ATP2C1: variants seen among roughly 807,000 people sequenced by gnomAD.
ATP2C1 encodes calcium-transporting ATPase type 2C member 1.
In ATP2C1, 31 loss-of-function variants were observed where a neutral mutation model predicts 120.5. The observed-to-expected ratio is 0.26, with a 90% CI of 0.19 to 0.35. ATP2C1 has a LOEUF of 0.35. Ranked by LOEUF, ATP2C1 falls within the 10% of genes least tolerant of loss-of-function variation. The probability of loss-of-function intolerance (pLI) is 1.00; values close to 1 mark genes in which losing one functional copy is unlikely to be tolerated. For synonymous variants in ATP2C1, 351 were observed against 358.7 expected, an observed-to-expected ratio of 0.98 and a Z score of 0.24; for missense variants, 731 against 1,107.5, an observed-to-expected ratio of 0.66 and a Z score of 4.83.
chr3:131,008,904 A>G (rs1387401686), intron 26 of ATP2C1, among the ~76,000 whole-genome samples: 1 of 152,174 alleles, frequency 6.6e-6, no homozygotes, highest in African/African-American at 2.4e-5. Flanking sequence ...AACATCATCA[A>G]CCAGGAGGAC....
chr3:131,001,093 A>C, intron 27 of ATP2C1, 127 bp from the exon 28 acceptor site: 8 of 690,984 alleles, frequency 1.2e-5, no homozygotes, highest in Non-Finnish European at 1.5e-5. Context: ...ACAGAGCAAG[A>C]CTTCATCTCA....
At chr3:130,918,973 C>T (rs2058814963) in intron 2 of ATP2C1, 1 of 386,574 alleles carries the variant, frequency 2.6e-6, no homozygotes, top group Non-Finnish European at 5.0e-6. Flanking sequence ...GCCTGGGCAA[C>T]AGAGCAAGAC....
intron 1 of ATP2C1, among the ~76,000 whole-genome samples, chr3:130,872,487 T>G (rs898492684): frequency 4.6e-5 from 7 of 152,170 alleles, no homozygotes; most frequent in Non-Finnish European, 8.8e-5. Context: ...CTATCTGTGA[T>G]TATTATTCAT....
intron 14 of ATP2C1, 84 bp downstream of exon 14, chr3:130,965,129 C>G: frequency 3.3e-6 from 3 of 920,030 alleles, no homozygotes; most frequent in Admixed American, 3.6e-5. Context: ...GTTCCAGTGT[C>G]TTACCTTCAA....
At chr3:130,969,720 T>G (rs1326393649) in intron 17 of ATP2C1, among the ~76,000 whole-genome samples, 1 of 152,226 alleles carries the variant, frequency 6.6e-6, no homozygotes, top group East Asian at 1.9e-4. Context: ...CAGTTCCTTA[T>G]AAGGTCTTTG....
intron 1 of ATP2C1, among the ~76,000 whole-genome samples, chr3:130,863,404 A>T (rs1045264872): frequency 6.6e-6 from 1 of 152,130 alleles, no homozygotes; most frequent in Admixed American, 6.5e-5. Context: ...TATTAAACAC[A>T]CCATTTACTA....
Position 131,002,582 on chromosome 3 carries a change from G to C in ATP2C1, c.*1232G>C, listed in dbSNP as rs919273230. On this transcript the variant is annotated 3_prime_UTR_variant, in exon 28 of 28. Transcript: ENST00000510168. ...TTTTATGAAAGCTTGATGAGGTATAGGTCATTTGTTTTGAGTATGTGGGCC... is the reference window on the plus strand; with the variant it reads ...TTTTATGAAAGCTTGATGAGGTATACGTCATTTGTTTTGAGTATGTGGGCC... 2 of 985,286 alleles carry C rather than the reference G, an allele frequency of 2.0e-6. No individual in the cohort carries two copies. Among genetic ancestry groups the C allele is most frequent in the Non-Finnish European group, 2.4e-6 (2 of 829,924 alleles). The allele number at this position is 985,286 out of a possible 1,614,324, so 61.0% of individuals were successfully genotyped here.
chr3:130,873,851 C>G (rs967173572), intron 1 of ATP2C1, among the ~76,000 whole-genome samples: 2 of 152,128 alleles, frequency 1.3e-5, no homozygotes, highest in African/African-American at 4.8e-5. Flanking sequence ...GTGGCTCACC[C>G]CTGTAATCCC....
chr3:131,016,301 A>T, exon 27 of ATP2C1: 5 of 1,614,166 alleles, frequency 3.1e-6, no homozygotes, highest in Non-Finnish European at 4.2e-6. Flanking sequence ...AACTCTGCAT[A>T]CAACATCTTA....
chr3:130,913,431 A>G (rs916011194), intron 2 of ATP2C1, among the ~76,000 whole-genome samples: 8 of 152,186 alleles, frequency 5.3e-5, no homozygotes, highest in Non-Finnish European at 4.4e-5. Flanking sequence ...CTGAGTTATT[A>G]ATACTACTGG....
chr3:130,860,992 T>C (rs562072872), intron 1 of ATP2C1, among the ~76,000 whole-genome samples: 1 of 152,322 alleles, frequency 6.6e-6, no homozygotes, highest in South Asian at 2.1e-4. Context: ...TTTCTCGACA[T>C]GGTGCGGTGG....
intron 2 of ATP2C1, chr3:130,914,385 A>C (rs964351622): frequency 3.3e-5 from 5 of 152,066 alleles, no homozygotes; most frequent in African/African-American, 1.2e-4. Context: ...GAAAGAGTAG[A>C]AAGGTGTTGG....
intron 1 of ATP2C1, among the ~76,000 whole-genome samples, chr3:130,851,560 A>G (rs113446696): frequency 2.4e-3 from 370 of 152,332 alleles, no homozygotes; most frequent in African/African-American, 8.6e-3. Context: ...GTCTGATCAC[A>G]TCTCATTTAA....
At chr3:130,940,905 A>ATTATT (rs2059863793) in intron 7 of ATP2C1, among the ~76,000 whole-genome samples, 3 of 86,072 alleles carry the variant, frequency 3.5e-5, no homozygotes, top group Non-Finnish European at 6.7e-5. Context: ...TATTTAACAG[A>ATTATT]TTTTTTTTTT....
downstream of ATP2C1, among the ~76,000 whole-genome samples, chr3:131,004,945 T>C (rs1456055878): frequency 6.6e-6 from 1 of 152,076 alleles, no homozygotes; most frequent in Non-Finnish European, 1.5e-5. Context: ...GAGTTTGATG[T>C]GAGTTTGGAT....
intron 12 of ATP2C1, chr3:130,963,549 A>G (rs1449656594): frequency 9.8e-6 from 2 of 203,138 alleles, no homozygotes; most frequent in Non-Finnish European, 2.0e-5. Context: ...TACATTTATC[A>G]GTTGATGAAT....
chr3:130,876,857 T>C (rs948289913), intron 1 of ATP2C1, among the ~76,000 whole-genome samples: 2 of 151,958 alleles, frequency 1.3e-5, no homozygotes, highest in African/African-American at 4.8e-5. Flanking sequence ...TTACTAGGGG[T>C]TTTTTGTAGC....
At chr3:130,932,196 T>A in intron 4 of ATP2C1, 58 bp downstream of exon 4, 2 of 1,034,466 alleles carry the variant, frequency 1.9e-6, no homozygotes, top group South Asian at 2.5e-5. Context: ...GGACTTCTGT[T>A]ATGTAGTTGC....
At chr3:130,939,213 CTT>C (rs1332374224) in intron 6 of ATP2C1, among the ~76,000 whole-genome samples, 1 of 152,056 alleles carries the variant, frequency 6.6e-6, no homozygotes, top group Non-Finnish European at 1.5e-5. Context: ...TCAAAAAGCT[CTT>C]TATCAAAAAT....
Sources: gnomAD v4.1 joint callset for allele counts (sites outside exome capture counted in the v4.1 genomes callset) on GRCh38, gnomAD v4.1.1 for gene constraint, MANE v1.5 for transcripts, NCBI Gene and HGNC (gene_info 2026-07-23, HGNC 2026-07-21) for gene names.